Variants in CMAS observed in about 807,000 individuals in gnomAD.
The protein encoded by CMAS is cytidine monophosphate N-acetylneuraminic acid synthetase.
CMAS carries 21 observed loss-of-function variants against 53.4 expected under a neutral mutation model. That is an observed-to-expected ratio of 0.39 (90% CI 0.28 to 0.57). CMAS has a LOEUF of 0.57. CMAS is among the 20% of genes least tolerant of loss of function. The probability of loss-of-function intolerance (pLI) is 0.56; values close to 1 mark genes in which losing one functional copy is unlikely to be tolerated. For synonymous variants in CMAS, 189 were observed against 195.2 expected (o/e 0.97, Z 0.27); for missense variants, 384 against 534.9 (o/e 0.72, Z 2.78).
chr12:22,057,617 G>A (rs1197442301), intron 3 of CMAS, among the ~76,000 whole-genome samples: 1 of 151,820 alleles, frequency 6.6e-6, no homozygotes, highest in African/African-American at 2.4e-5. Context: ...AGATTAAAGG[G>A]CCCAAATATT....
At chr12:22,060,811 T>C in intron 4 of CMAS, 21 bp from the exon 5 acceptor site, 1 of 1,392,276 alleles carries the variant, frequency 7.2e-7, no homozygotes, top group Non-Finnish European at 1.0e-6. Flanking sequence ...ACAGTATTCA[T>C]GACATTTATA....
chr12:22,050,475 G>A (rs1248898490), intron 1 of CMAS, among the ~76,000 whole-genome samples: 2 of 152,172 alleles, frequency 1.3e-5, no homozygotes, highest in Non-Finnish European at 2.9e-5. Context: ...TGTAAAATGG[G>A]AAACTCTCCC....
chr12:22,056,588 G>C (rs1447813168), intron 3 of CMAS, among the ~76,000 whole-genome samples: 1 of 152,132 alleles, frequency 6.6e-6, no homozygotes, highest in Non-Finnish European at 1.5e-5. Flanking sequence ...TTGCTAACAA[G>C]ACTAAGGGAT....
chr12:22,064,457 A>G (rs1361206652), intron 7 of CMAS, among the ~76,000 whole-genome samples: 1 of 152,036 alleles, frequency 6.6e-6, no homozygotes, highest in East Asian at 1.9e-4. Context: ...ACAAAAGACC[A>G]TATGTTAACC....
chr12:22,059,146 ATAT>A (rs1264318686), intron 4 of CMAS, among the ~76,000 whole-genome samples: 70 of 122,676 alleles, frequency 5.7e-4, no homozygotes, highest in African/African-American at 2.0e-3. Context: ...ATATATATAT[ATAT>A]TTTTTTTTTT....
intron 1 of CMAS, among the ~76,000 whole-genome samples, chr12:22,048,632 C>T (rs1205941736): frequency 6.6e-6 from 1 of 152,184 alleles, no homozygotes; most frequent in African/African-American, 2.4e-5. Context: ...AAAACTTTCC[C>T]TGCCTTTTGA....
rs1950342549 is a variant in CMAS at position 22,065,622 on chromosome 12, G to T, written c.*311G>T. ...TTATTTATCTGGGGACAGTGTGTAT[G>T]GTAAGACATGCCCTTCTATTAATAA... On this transcript the variant is annotated 3_prime_UTR_variant, in exon 8 of 8. Transcript: ENST00000229329. 2 of 196,438 alleles carry T rather than the reference G, an allele frequency of 1.0e-5. No individual in the cohort carries two copies. Among genetic ancestry groups the T allele is most frequent in the South Asian group, 1.7e-4 (1 of 5,998 alleles). The allele number at this position is 196,438 out of a possible 1,614,324, so 12.2% of individuals were successfully genotyped here.
Position 22,061,265 on chromosome 12 carries a change from T to A in CMAS, c.789-16T>A. On this transcript the variant is annotated splice_polypyrimidine_tract_variant and intron_variant, in intron 5 of 7. Transcript: ENST00000229329. Reference sequence around the variant, plus strand: ...TACTGCACTTGTACTCAAAGGTCTATTTTGGTTTCTTTTAGATATGGCTAT... The same window carrying A: ...TACTGCACTTGTACTCAAAGGTCTAATTTGGTTTCTTTTAGATATGGCTAT... The A allele has an allele frequency of 6.3e-7, 1 of 1,596,268 alleles. No individual in the cohort carries two copies.
intron 1 of CMAS, among the ~76,000 whole-genome samples, chr12:22,049,547 C>A (rs1950227050): frequency 6.6e-6 from 1 of 152,218 alleles, no homozygotes; most frequent in African/African-American, 2.4e-5. Flanking sequence ...AGTGTAAACT[C>A]ATTGACCACA....
At chr12:22,047,926 T>G (rs1950217184) in intron 1 of CMAS, among the ~76,000 whole-genome samples, 1 of 152,198 alleles carries the variant, frequency 6.6e-6, no homozygotes, top group Non-Finnish European at 1.5e-5. Context: ...TTTTGTGAAA[T>G]GAACTAGAGA....
chr12:22,052,741 G>A (rs777481574), intron 1 of CMAS, among the ~76,000 whole-genome samples: 7 of 152,268 alleles, frequency 4.6e-5, no homozygotes, highest in South Asian at 4.1e-4. Flanking sequence ...TCAAGATGGA[G>A]GAAAATGGGG....
rs535242966 is a variant in CMAS at position 22,058,202 on chromosome 12, G to A, written c.560-365G>A. Among the ~76,000 whole-genome samples the A allele has an allele frequency of 6.0e-5, 9 of 151,140 alleles. No individual in the cohort carries two copies. In the South Asian group the frequency reaches 1.7e-3, roughly 28 times the overall value. ...AGCACTTTGGGAGGCCGAGGTGGGC[G>A]GATCACGAGGTCAGGAGTTCGAGAC... On this transcript the variant is annotated intron_variant, in intron 3 of 7. Coordinates refer to ENST00000229329, the MANE Select transcript of CMAS (RefSeq NM_018686.6).
At chr12:22,049,757 TAGCC>T (rs1950228564) in intron 1 of CMAS, among the ~76,000 whole-genome samples, 2 of 151,980 alleles carry the variant, frequency 1.3e-5, no homozygotes, top group African/African-American at 4.8e-5. Flanking sequence ...ATACAAAAAT[TAGCC>T]AGTTGTGGTG....
At chr12:22,052,179 G>T (rs1472573545) in intron 1 of CMAS, among the ~76,000 whole-genome samples, 1 of 152,174 alleles carries the variant, frequency 6.6e-6, no homozygotes, top group Admixed American at 6.5e-5. Flanking sequence ...TTACTTAATT[G>T]ATCCCTCGCT....
intron 1 of CMAS, 27 bp downstream of exon 1, chr12:22,046,590 C>A: frequency 6.7e-7 from 1 of 1,490,730 alleles, no homozygotes. Flanking sequence ...GTGGGCGGCG[C>A]GGCCTGGGCG....
intron 4 of CMAS, 29 bp downstream of exon 4, chr12:22,058,729 T>C: frequency 6.2e-7 from 1 of 1,604,560 alleles, no homozygotes; most frequent in Non-Finnish European, 8.5e-7. Context: ...CATAACCCTT[T>C]TAAGCGCTTT....
intron 1 of CMAS, among the ~76,000 whole-genome samples, chr12:22,052,786 T>G (rs950239132): frequency 3.3e-5 from 5 of 152,206 alleles, no homozygotes; most frequent in African/African-American, 1.2e-4. Context: ...GTGACATAAG[T>G]AGATATCACG....
chr12:22,054,619 A>AT (rs34999564), intron 1 of CMAS, among the ~76,000 whole-genome samples: 44,571 of 145,732 alleles, frequency 0.31, 7,028 homozygotes, highest in Middle Eastern at 0.45. Flanking sequence ...AGCCAAGTCC[A>AT]TTTTTTTTTT....
At chr12:22,052,164 C>T (rs1462977130) in intron 1 of CMAS, among the ~76,000 whole-genome samples, 1 of 152,160 alleles carries the variant, frequency 6.6e-6, no homozygotes. Context: ...CTGAAAAGAG[C>T]GTAGTTACTT....
Sources: allele counts gnomAD v4.1 joint callset (sites outside exome capture counted in the v4.1 genomes callset), GRCh38; gene constraint gnomAD v4.1.1; transcripts MANE v1.5; gene names NCBI Gene and HGNC (gene_info 2026-07-23, HGNC 2026-07-21).